ARMC8: variants seen among roughly 807,000 people sequenced by gnomAD.
The protein encoded by ARMC8 is armadillo repeat-containing protein 8.
Under a neutral mutation model 99.3 loss-of-function variants are expected in ARMC8, and 20 were observed. The ratio of observed to expected loss-of-function variants is 0.20; its 90% CI spans 0.14 to 0.29. The LOEUF is 0.29. Ranked by LOEUF, ARMC8 falls within the 10% of genes least tolerant of loss-of-function variation. The probability of loss-of-function intolerance (pLI) is 1.00; values close to 1 mark genes in which losing one functional copy is unlikely to be tolerated. For synonymous variants in ARMC8, 263 were observed against 278.3 expected (o/e 0.95, Z 0.55); for missense variants, 569 against 809.5 (o/e 0.70, Z 3.60).
Position 138,279,400 on chromosome 3 carries a change from T to G in ARMC8, c.1725+4856T>G, listed in dbSNP as rs114374183. Among the ~76,000 whole-genome samples, 665 of 152,320 alleles carry G rather than the reference T, an allele frequency of 4.4e-3. 6 individuals carry two copies. Among genetic ancestry groups the G allele is most frequent in the African/African-American group, 0.015 (624 of 41,564 alleles). On this transcript the variant is annotated intron_variant, in intron 18 of 21. Coordinates refer to ENST00000469044, the MANE Select transcript of ARMC8 (RefSeq NM_001363941.2). ...CTAACATATTTGAGGTAAACCTAAT[T>G]TAGTCATTATGTATTATCCTTTAGA...
At chr3:138,265,275 C>A (rs1438761701) in intron 14 of ARMC8, among the ~76,000 whole-genome samples, 2 of 152,142 alleles carry the variant, frequency 1.3e-5, no homozygotes, top group Non-Finnish European at 1.5e-5. Flanking sequence ...AAAAAAGGTT[C>A]AGGACAAATG....
chr3:138,262,709 T>A (rs1055510926), intron 12 of ARMC8: 35 of 1,022,012 alleles, frequency 3.4e-5, no homozygotes, highest in African/African-American at 2.9e-4. Flanking sequence ...CCCAGGTAAT[T>A]CTTCTGCAAG....
At chr3:138,271,782 G>T (rs972900561) in intron 16 of ARMC8, among the ~76,000 whole-genome samples, 6 of 146,090 alleles carry the variant, frequency 4.1e-5, no homozygotes, top group African/African-American at 1.6e-4. Context: ...TAGTTCACAA[G>T]ATTTTTTTTT....
chr3:138,232,270 C>T (rs958751770), intron 6 of ARMC8, among the ~76,000 whole-genome samples: 4 of 152,170 alleles, frequency 2.6e-5, no homozygotes, highest in African/African-American at 9.6e-5. Flanking sequence ...GCCACTGCGT[C>T]TAGCCCCTTA....
chr3:138,205,354 T>A (rs2044314802), intron 1 of ARMC8, among the ~76,000 whole-genome samples: 1 of 151,970 alleles, frequency 6.6e-6, no homozygotes, highest in African/African-American at 2.4e-5. Flanking sequence ...CGGCGGCAAT[T>A]CAGTCTTTTA....
chr3:138,262,613 A>AT, intron 12 of ARMC8: 1 of 1,497,218 alleles, frequency 6.7e-7, no homozygotes, highest in Non-Finnish European at 9.0e-7. Context: ...AAAAAAAAAA[A>AT]TTTAGGTGCC....
At position 138,244,920 on chromosome 3, in the gene ARMC8, C is replaced by G. The variant is rs141058880; in HGVS notation, c.1039-168C>G. ...CACATTGATACGAACACTGCAAAGT[C>G]TCAGTGCTATGTGAACAGAATCCAA... On this transcript the variant is annotated intron_variant, in intron 11 of 21. Coordinates refer to ENST00000469044, the MANE Select transcript of ARMC8 (RefSeq NM_001363941.2). Among the ~76,000 whole-genome samples, 118 of 152,340 alleles carry G rather than the reference C, an allele frequency of 7.7e-4. 3 individuals carry two copies. In the East Asian group the frequency reaches 0.021, roughly 27 times the overall value.
intron 18 of ARMC8, among the ~76,000 whole-genome samples, chr3:138,277,383 AAAG>A (rs757891247): frequency 3.3e-5 from 5 of 152,240 alleles, no homozygotes; most frequent in Non-Finnish European, 7.3e-5. Flanking sequence ...AACATTCAGA[AAAG>A]AAGAAGGTAA....
chr3:138,201,813 C>T lies in ARMC8; in HGVS notation c.46-8004C>T, dbSNP rs1394517680. The stretch of plus-strand genomic sequence containing the variant: ...AATATTAATCTTTCAGATTACTCAT[C>T]CTTACTTAGAGATTATTTTCCATCT... On this transcript the variant is annotated intron_variant, in intron 1 of 21. Coordinates refer to ENST00000469044, the MANE Select transcript of ARMC8 (RefSeq NM_001363941.2). Among the ~76,000 whole-genome samples the T allele has an allele frequency of 2.0e-5, 3 of 152,280 alleles. No homozygotes were observed. In the East Asian group the frequency reaches 5.8e-4, roughly 29 times the overall value.
chr3:138,205,671 C>T (rs1211092502), intron 1 of ARMC8, among the ~76,000 whole-genome samples: 1 of 152,168 alleles, frequency 6.6e-6, no homozygotes, highest in East Asian at 1.9e-4. Context: ...GGCATTGTGG[C>T]TCACGCCTGT....
chr3:138,274,615 G>T, intron 18 of ARMC8, 71 bp downstream of exon 18: 1 of 1,138,890 alleles, frequency 8.8e-7, no homozygotes, highest in Non-Finnish European at 1.3e-6. Flanking sequence ...AGAGTCTCCT[G>T]AAATATTCAA....
intron 11 of ARMC8, 21 bp downstream of exon 11, chr3:138,242,004 A>G: frequency 6.2e-7 from 1 of 1,603,462 alleles, no homozygotes. Flanking sequence ...TTCCTTTTTT[A>G]GCAGCTCAAG....
chr3:138,267,229 T>A lies in ARMC8; in HGVS notation c.1374T>A (p.Ser458=). 1 of 1,567,764 alleles carries A rather than the reference T, an allele frequency of 6.4e-7. No individual in the cohort carries two copies. The highest frequency in any genetic ancestry group is 8.7e-7 in the Non-Finnish European group (1 of 1,153,130). The change falls in exon 15 of 22, where the codon TCT becomes TCA. Residue 458 remains serine, a synonymous_variant. Transcript: ENST00000469044. Reference sequence around the variant, plus strand: ...TGTGTAATCTTCTTCTTGAATTTTCTCCAAGCAAAGAGGTTAGTATTGATT... The same window carrying A: ...TGTGTAATCTTCTTCTTGAATTTTCACCAAGCAAAGAGGTTAGTATTGATT... ...SMLCNLLLEF[S]PSKEPILESG...
At chr3:138,267,699 G>T (rs903740721) in intron 15 of ARMC8, among the ~76,000 whole-genome samples, 1 of 151,840 alleles carries the variant, frequency 6.6e-6, no homozygotes, top group Non-Finnish European at 1.5e-5. Context: ...GTTGGATGGG[G>T]GTTCCCTTCT....
intron 21 of ARMC8, 93 bp downstream of exon 21, chr3:138,290,732 T>TTA (rs572112458): frequency 6.9e-4 from 546 of 788,210 alleles, no homozygotes; most frequent in Non-Finnish European, 1.0e-3. Context: ...GCCATACTTT[T>TTA]TAAAATCTTT....
intron 2 of ARMC8, among the ~76,000 whole-genome samples, chr3:138,212,913 C>G (rs190700664): frequency 6.6e-6 from 1 of 152,294 alleles, no homozygotes; most frequent in African/African-American, 2.4e-5. Context: ...GCTTTGACTA[C>G]AAGCCAACCA....
At chr3:138,268,271 T>C (rs567789689) in intron 15 of ARMC8, among the ~76,000 whole-genome samples, 1 of 151,948 alleles carries the variant, frequency 6.6e-6, no homozygotes, top group South Asian at 2.1e-4. Flanking sequence ...AAAAACAAGA[T>C]GGAGGTTCAG....
chr3:138,205,969 T>C (rs988903967), intron 1 of ARMC8, among the ~76,000 whole-genome samples: 15 of 152,370 alleles, frequency 9.8e-5, no homozygotes, highest in African/African-American at 3.1e-4. Context: ...CTAGCAGCCA[T>C]GCTGTCTAAA....
Position 138,273,109 on chromosome 3 carries a change from C to T in ARMC8, c.1622C>T (p.Thr541Ile), listed in dbSNP as rs775907909. 6.2e-7 allele frequency: 1 copy of T among 1,603,616 alleles called. No homozygotes were observed. The highest frequency in any genetic ancestry group is 8.5e-7 in the Non-Finnish European group (1 of 1,176,650). The part of the protein sequence containing the change: ...TLGLLRNLLS[T>I]RPHIDKIMST... ...GGACTTCTTAGAAATCTCCTCTCCA[C>T]TCGTCCTGTAAGTAAAATCACCCAG... The change falls in exon 17 of 22, where the codon ACT (threonine) becomes ATT (isoleucine). Residue 541 changes from threonine to isoleucine, a missense_variant. Thr to Ile is a moderately conservative substitution (Grantham distance 89, BLOSUM62 -1). This residue lies in a region of ARMC8 where 227 missense variants were observed against 417.9 expected (regional missense o/e 0.54). Coordinates refer to ENST00000469044, the MANE Select transcript of ARMC8 (RefSeq NM_001363941.2).
Sources: gnomAD v4.1 joint callset for allele counts (sites outside exome capture counted in the v4.1 genomes callset) on GRCh38, gnomAD v4.1.1 for gene constraint, gnomAD v4.1.1 regional missense constraint, MANE v1.5 for transcripts, NCBI Gene and HGNC (gene_info 2026-07-23, HGNC 2026-07-21) for gene names.